The following BCL6 variants were observed in gnomAD, a reference collection of about 807,000 sequenced individuals.
BCL6 encodes B-cell lymphoma 6 protein.
In BCL6, 7 loss-of-function variants were observed where a neutral mutation model predicts 59.5. That is an observed-to-expected ratio of 0.12 (90% CI 0.07 to 0.22). The LOEUF is 0.22. BCL6 is among the 10% of genes least tolerant of loss of function. The pLI is 1.00. For synonymous variants in BCL6, 339 were observed against 349.7 expected (o/e 0.97, Z 0.34); for missense variants, 685 against 939.4 (o/e 0.73, Z 3.54).
At position 187,725,125 on chromosome 3, in the gene BCL6, G is replaced by T. The variant is rs749142761; in HGVS notation, c.1840-47C>A. ...AGAGGTCTTCTGGGGTGGGCTGCAG[G>T]CCTCTGGGCAGCCCCTCATTAGCAC... is the stretch of plus-strand genomic sequence containing the variant. On this transcript the variant is annotated intron_variant, in intron 8 of 9. Transcript: ENST00000406870. This position sits in a 1 kb window ranked among gnomAD's most constrained non-coding sequence, Gnocchi z 4.7. The T allele has an allele frequency of 6.2e-7, 1 of 1,610,422 alleles. No homozygotes were observed. The highest frequency in any genetic ancestry group is 8.5e-7 in the Non-Finnish European group (1 of 1,178,428).
rs770320988 is a variant in BCL6 at position 187,728,481 on chromosome 3, C to CG, written c.1418dup (p.Lys474GlufsTer26). 1 of 1,611,760 alleles carries CG rather than the reference C, an allele frequency of 6.2e-7. No individual in the cohort carries two copies. The highest frequency in any genetic ancestry group is 8.5e-7 in the Non-Finnish European group (1 of 1,179,578). ...ACTGAGAGCCGCAGGACGTGCACTT[C>CG]GGGGGGTGCATGTAGAGTGGTGAGT... On this transcript the variant is annotated frameshift_variant, in exon 6 of 10. Transcript: ENST00000406870. LOFTEE classifies it high-confidence loss of function.
At chr3:187,731,679 T>A (rs1251207839) in intron 4 of BCL6, 30 bp downstream of exon 4, 1 of 1,605,888 alleles carries the variant, frequency 6.2e-7, no homozygotes, top group Non-Finnish European at 8.5e-7. Flanking sequence ...CTCTTCCATC[T>A]CCGACGCTTC....
rs765371056 is a variant in BCL6, at chr3:187,729,702, C to T, written c.703G>A (p.Ala235Thr). The T allele has an allele frequency of 6.2e-7, 1 of 1,614,122 alleles. No homozygotes were observed. Among genetic ancestry groups the T allele is most frequent in the Non-Finnish European group, 8.5e-7 (1 of 1,180,000 alleles). The change falls in exon 5 of 10, where the codon GCC becomes ACC. Residue 235 changes from alanine to threonine, a missense_variant. By Grantham distance (58) the Ala-to-Thr change is moderately conservative. Coordinates refer to ENST00000406870, the MANE Select transcript of BCL6 (RefSeq NM_001706.5). This position sits in a 1 kb window ranked among gnomAD's most constrained non-coding sequence, Gnocchi z 5.6. ...CTGTACTCACCAGGGACTGGCCTGG[C>T]ACTATCACATGGGAGTGCCCGCTCC... Reference protein sequence around the residue: ...PKERALPCDSARPVPGEYSRP... With the variant: ...PKERALPCDSTRPVPGEYSRP...
Position 187,725,400 on chromosome 3 carries a change from C to T in BCL6, c.1839+99G>A. On this transcript the variant is annotated intron_variant, in intron 8 of 9. Coordinates refer to ENST00000406870, the MANE Select transcript of BCL6 (RefSeq NM_001706.5). The surrounding 1 kb of genome is among the most constrained non-coding windows in gnomAD (Gnocchi z 4.7). ...TGCCCGCTCCGCTTGCCTGCCCGCT[C>T]CACTTGCCTGCCCACTCCTCCGCTT... 1.3e-6 allele frequency: 2 copies of T among 1,568,164 alleles called. No homozygotes were observed. Among genetic ancestry groups the T allele is most frequent in the Non-Finnish European group, 1.7e-6 (2 of 1,158,124 alleles).
Position 187,725,380 on chromosome 3 carries a change from G to T in BCL6, c.1839+119C>A. 1 of 1,531,480 alleles carries T rather than the reference G, an allele frequency of 6.5e-7. No homozygotes were observed. 94.9% of individuals were successfully genotyped at this position (1,531,480 alleles called of 1,614,324 possible). ...TCCTGCCCGCTCTGCTCACCTGCCC[G>T]CTCCGCTTGCCTGCCCGCTCCACTT... On this transcript the variant is annotated intron_variant, in intron 8 of 9. Coordinates refer to ENST00000406870, the MANE Select transcript of BCL6 (RefSeq NM_001706.5). The surrounding 1 kb of genome is among the most constrained non-coding windows in gnomAD (Gnocchi z 4.7).
At chr3:187,743,691 A>G (rs1020757372) in intron 1 of BCL6, among the ~76,000 whole-genome samples, 1 of 152,124 alleles carries the variant, frequency 6.6e-6, no homozygotes, top group East Asian at 1.9e-4. Flanking sequence ...CGGTCACTAC[A>G]TCCGGCAGCG....
intron 1 of BCL6, among the ~76,000 whole-genome samples, chr3:187,735,733 G>A (rs138328237): frequency 2.6e-5 from 4 of 151,884 alleles, no homozygotes; most frequent in African/African-American, 7.3e-5. Flanking sequence ...CTTCCAAACC[G>A]GCTTCTCTAA....
intron 1 of BCL6, among the ~76,000 whole-genome samples, chr3:187,741,656 C>T (rs1329983272): frequency 2.0e-5 from 3 of 152,190 alleles, no homozygotes; most frequent in Non-Finnish European, 4.4e-5. Context: ...GCGGCAGCGG[C>T]GGTCCCACTT....
At chr3:187,745,160 TGGGAGAGACGTGG>T in intron 1 of BCL6, among the ~76,000 whole-genome samples, 1 of 152,136 alleles carries the variant, frequency 6.6e-6, no homozygotes, top group African/African-American at 2.4e-5. Flanking sequence ...TATCCTATGG[TGGGAGAGACGTGG>T]GACTAATCTT....
At chr3:187,734,165 C>T (rs1255717955) in intron 2 of BCL6, among the ~76,000 whole-genome samples, 2 of 152,146 alleles carry the variant, frequency 1.3e-5, no homozygotes, top group Non-Finnish European at 2.9e-5. Flanking sequence ...CTCGGTCTCC[C>T]GAGTAGCTGG....
At position 187,729,042 on chromosome 3, in the gene BCL6, GA is replaced by G. The variant is rs766548004; in HGVS notation, c.1355+7del. 28 of 1,518,840 alleles carry G rather than the reference GA, an allele frequency of 1.8e-5. No homozygotes were observed. Among genetic ancestry groups the G allele is most frequent in the Non-Finnish European group, 2.4e-5 (27 of 1,135,786 alleles). The allele number at this position is 1,518,840 out of a possible 1,614,324, so 94.1% of individuals were successfully genotyped here. On this transcript the variant is annotated splice_region_variant and intron_variant, in intron 5 of 9. Coordinates refer to ENST00000406870, the MANE Select transcript of BCL6 (RefSeq NM_001706.5). This position sits in a 1 kb window ranked among gnomAD's most constrained non-coding sequence, Gnocchi z 5.6. ...CTGACCTCAGACCCAGACAGTCTCTGAAATCACCTGTTAACGATGTTATTGA... is the reference window on the plus strand; with the variant it reads ...CTGACCTCAGACCCAGACAGTCTCTGAATCACCTGTTAACGATGTTATTGA...
chr3:187,736,310 C>G (rs993496993), intron 1 of BCL6: 4 of 152,202 alleles, frequency 2.6e-5, no homozygotes, highest in African/African-American at 7.2e-5. Context: ...TCGAGATAGG[C>G]AAAGAGAGAT....
In BCL6 at chr3:187,722,316, A is replaced by ACCCCCCCCCCCCCCCCC; in HGVS notation, c.*141_*142insGGGGGGGGGGGGGGGGG. The stretch of plus-strand genomic sequence containing the variant: ...CCCAGTCCCCCAGGCCCCGACCCCC[A>ACCCCCCCCCCCCCCCCC]CCACCCCCAACCCCCAGCTATGATT... On this transcript the variant is annotated 3_prime_UTR_variant, in exon 10 of 10. Coordinates refer to ENST00000406870, the MANE Select transcript of BCL6 (RefSeq NM_001706.5). The ACCCCCCCCCCCCCCCCC allele has an allele frequency of 1.1e-5, 1 of 88,026 alleles. No individual in the cohort carries two copies. Among genetic ancestry groups the ACCCCCCCCCCCCCCCCC allele is most frequent in the Non-Finnish European group, 1.7e-5 (1 of 58,928 alleles). The allele number at this position is 88,026 out of a possible 1,614,324, so 5.5% of individuals were successfully genotyped here.
rs898063407 is a variant in BCL6, at chr3:187,721,725, T to A, written c.*733A>T. On this transcript the variant is annotated 3_prime_UTR_variant, in exon 10 of 10. Transcript: ENST00000406870. The surrounding 1 kb of genome is among the most constrained non-coding windows in gnomAD (Gnocchi z 4.2). ...ATTTTTTTGTTCTTTTTGTTTTTTT[T>A]AATACACACTTTGTAAATTGTAAAC... The A allele has an allele frequency of 1.3e-5, 3 of 231,952 alleles. No individual in the cohort carries two copies. The highest frequency in any genetic ancestry group is 1.2e-4 in the East Asian group (2 of 16,298). 14.4% of individuals were successfully genotyped at this position (231,952 alleles called of 1,614,324 possible).
intron 5 of BCL6, 62 bp from the exon 6 acceptor site, chr3:187,728,606 TC>T: frequency 1.2e-5 from 18 of 1,507,188 alleles, no homozygotes; most frequent in Non-Finnish European, 1.6e-5. Flanking sequence ...CACCCTCTCC[TC>T]CCTGTGTGTA....
intron 1 of BCL6, among the ~76,000 whole-genome samples, chr3:187,744,678 A>G (rs554442917): frequency 2.0e-5 from 3 of 152,282 alleles, no homozygotes; most frequent in Admixed American, 6.5e-5. Flanking sequence ...GGCCGATGGA[A>G]GAGAGCCAGC....
intron 1 of BCL6, among the ~76,000 whole-genome samples, 178 bp downstream of exon 1, chr3:187,745,232 T>G (rs528603632): frequency 6.6e-6 from 1 of 152,162 alleles, no homozygotes; most frequent in East Asian, 1.9e-4. Context: ...ATATATACAT[T>G]TATATCAATA....
At position 187,722,332 on chromosome 3, in the gene BCL6, AGCT is replaced by A. The variant is rs2108553172; in HGVS notation, c.*123_*125del. Reference sequence around the variant, plus strand: ...CCGACCCCCACCACCCCCAACCCCCAGCTATGATTTGCACTAGTGGATGAAAGA... The same window carrying A: ...CCGACCCCCACCACCCCCAACCCCCAATGATTTGCACTAGTGGATGAAAGA... On this transcript the variant is annotated 3_prime_UTR_variant, in exon 10 of 10. Transcript: ENST00000406870. 5.7e-5 allele frequency: 3 copies of A among 52,746 alleles called. No individual in the cohort carries two copies. Among genetic ancestry groups the A allele is most frequent in the East Asian group, 4.7e-4 (1 of 2,106 alleles). The allele number at this position is 52,746 out of a possible 1,614,324, so 3.3% of individuals were successfully genotyped here. A position where few individuals can be genotyped will look rare whatever the true frequency, so the allele number is the denominator to read the frequency against.
chr3:187,737,379 G>GAGAGAA (rs1553841108), intron 1 of BCL6: 3 of 128,310 alleles, frequency 2.3e-5, no homozygotes, highest in Admixed American at 7.4e-5. Context: ...GAGAGAGAGA[G>GAGAGAA]AGAGAGAGAG....
Sources: allele counts gnomAD v4.1 joint callset (sites outside exome capture counted in the v4.1 genomes callset), GRCh38; gene constraint gnomAD v4.1.1; non-coding constraint Gnocchi (gnomAD v3.1); transcripts MANE v1.5; gene names NCBI Gene and HGNC (gene_info 2026-07-23, HGNC 2026-07-21).